CHN2: variants seen among roughly 807,000 people sequenced by gnomAD.
The protein encoded by CHN2 is beta-chimaerin.
CHN2 carries 35 observed loss-of-function variants against 56.3 expected under a neutral mutation model. That is an observed-to-expected ratio of 0.62 (90% CI 0.47 to 0.82). The LOEUF is 0.82. Ranked by LOEUF, CHN2 falls within the 40% of genes least tolerant of loss-of-function variation. The pLI is 0.00. For synonymous variants in CHN2, 210 were observed against 212.8 expected, an observed-to-expected ratio of 0.99 and a Z score of 0.12; for missense variants, 491 against 580.5, an observed-to-expected ratio of 0.85 and a Z score of 1.58.
At position 29,224,465 on chromosome 7, in the gene CHN2, T is replaced by C. The variant is rs114354589; in HGVS notation, c.49+29475T>C. ...GTGTTGAATGCTCCGAGCTTATTTCTAAATCCTGCTTGGTTTAAGGAAAGA... is the reference window on the plus strand; with the variant it reads ...GTGTTGAATGCTCCGAGCTTATTTCCAAATCCTGCTTGGTTTAAGGAAAGA... On this transcript the variant is annotated intron_variant, in intron 1 of 12. Transcript: ENST00000222792. 4.6e-3 allele frequency among the ~76,000 whole-genome samples: 707 copies of C among 152,312 alleles called. 2 individuals are homozygous for C. The highest frequency in any genetic ancestry group is 0.016 in the African/African-American group (655 of 41,582).
chr7:29,409,597 T>G (rs968946714), intron 6 of CHN2, among the ~76,000 whole-genome samples: 1 of 152,168 alleles, frequency 6.6e-6, no homozygotes, highest in East Asian at 1.9e-4. Flanking sequence ...CTCACACAGA[T>G]GTGTAGTTGG....
intron 1 of CHN2, among the ~76,000 whole-genome samples, chr7:29,340,330 TA>T (rs1246107314): frequency 6.6e-6 from 1 of 151,418 alleles, no homozygotes; most frequent in Non-Finnish European, 1.5e-5. Context: ...GAAAAGTTTT[TA>T]TATTCAGAAA....
rs138496967 is a variant in CHN2 at position 29,255,471 on chromosome 7, A to G, written c.49+60481A>G. Among the ~76,000 whole-genome samples, 4 of 152,344 alleles carry G rather than the reference A, an allele frequency of 2.6e-5. No homozygotes were observed. In the East Asian group the frequency reaches 7.7e-4, roughly 29 times the overall value. On this transcript the variant is annotated intron_variant, in intron 1 of 12. Coordinates refer to ENST00000222792, the MANE Select transcript of CHN2 (RefSeq NM_004067.4). Reference sequence around the variant, plus strand: ...AAGCCTTTGTTAGAACCTTCCAGCCATGAGGTCAGAGGAAGAAGCTGAGTG... The same window carrying G: ...AAGCCTTTGTTAGAACCTTCCAGCCGTGAGGTCAGAGGAAGAAGCTGAGTG...
At chr7:29,300,374 C>A (rs1027175787) in intron 1 of CHN2, among the ~76,000 whole-genome samples, 15 of 152,072 alleles carry the variant, frequency 9.9e-5, no homozygotes, top group Non-Finnish European at 2.9e-5. Context: ...ATATGAGAAA[C>A]AAAAGTGAGC....
intron 1 of CHN2, among the ~76,000 whole-genome samples, chr7:29,248,692 CTT>C (rs1037638017): frequency 1.3e-5 from 2 of 152,160 alleles, no homozygotes; most frequent in Non-Finnish European, 2.9e-5. Context: ...TAGATTCTTA[CTT>C]TTTTCCCAGT....
At chr7:29,460,290 G>T (rs1407092275) in intron 6 of CHN2, among the ~76,000 whole-genome samples, 3 of 152,174 alleles carry the variant, frequency 2.0e-5, no homozygotes, top group Non-Finnish European at 4.4e-5. Context: ...CTTTAAGAGG[G>T]CAAGGGCAAA....
chr7:29,323,624 A>AG (rs1358580004), intron 1 of CHN2, among the ~76,000 whole-genome samples: 1 of 152,090 alleles, frequency 6.6e-6, no homozygotes, highest in African/African-American at 2.4e-5. Context: ...TTCCTGAGTT[A>AG]GGGGTTTTTC....
intron 1 of CHN2, among the ~76,000 whole-genome samples, chr7:29,310,856 T>C (rs1794545498): frequency 6.6e-6 from 1 of 152,188 alleles, no homozygotes; most frequent in Admixed American, 6.5e-5. Flanking sequence ...CCCCTCCTTC[T>C]GACACCATCA....
intron 9 of CHN2, among the ~76,000 whole-genome samples, chr7:29,500,865 T>C (rs1475785570): frequency 6.6e-6 from 1 of 152,208 alleles, no homozygotes; most frequent in Non-Finnish European, 1.5e-5. Context: ...GATAGAAACA[T>C]TCCAAAAAAT....
At chr7:29,293,632 G>A (rs1352826341) in intron 1 of CHN2, among the ~76,000 whole-genome samples, 2 of 152,030 alleles carry the variant, frequency 1.3e-5, no homozygotes, top group Non-Finnish European at 2.9e-5. Context: ...CAGGGCCTCC[G>A]AACTTGCTGT....
intron 1 of CHN2, among the ~76,000 whole-genome samples, chr7:29,226,759 G>A (rs1786233176): frequency 6.6e-6 from 1 of 152,122 alleles, no homozygotes. Flanking sequence ...TTCCATGTAT[G>A]CCCCAAATAA....
chr7:29,228,363 A>G (rs1275086501), intron 1 of CHN2, among the ~76,000 whole-genome samples: 1 of 152,134 alleles, frequency 6.6e-6, no homozygotes, highest in Non-Finnish European at 1.5e-5. Flanking sequence ...TTGTGCTGTA[A>G]TTGCCTACAG....
At chr7:29,333,973 C>T (rs902309496) in intron 1 of CHN2, among the ~76,000 whole-genome samples, 29 of 151,544 alleles carry the variant, frequency 1.9e-4, no homozygotes, top group African/African-American at 7.0e-4. Flanking sequence ...TTTTGACAAT[C>T]AATGGATTTG....
intron 1 of CHN2, among the ~76,000 whole-genome samples, chr7:29,310,726 G>C (rs1311262288): frequency 2.6e-5 from 4 of 152,156 alleles, no homozygotes; most frequent in African/African-American, 9.7e-5. Flanking sequence ...AACAGGGCCT[G>C]TGTCCTCACT....
At chr7:29,356,208 G>A (rs1317802719) in intron 2 of CHN2, among the ~76,000 whole-genome samples, 3 of 152,074 alleles carry the variant, frequency 2.0e-5, no homozygotes, top group East Asian at 3.9e-4. Flanking sequence ...CAGCCTGCAC[G>A]TGTCCAAGAC....
At chr7:29,358,549 G>A (rs1043678711) in intron 2 of CHN2, among the ~76,000 whole-genome samples, 3 of 151,926 alleles carry the variant, frequency 2.0e-5, no homozygotes, top group African/African-American at 7.3e-5. Context: ...TGCAAGCCCC[G>A]CCTCCCGAGT....
chr7:29,258,846 A>G (rs1789292023), intron 1 of CHN2, among the ~76,000 whole-genome samples: 2 of 152,236 alleles, frequency 1.3e-5, no homozygotes, highest in South Asian at 2.1e-4. Context: ...TAACAGAAGT[A>G]CACATGCAAT....
rs1334937761 is a variant in CHN2, at chr7:29,305,181, T to G, written c.50-49444T>G. ...GGCAGGCCAGGAAATTCCCAGTGAT[T>G]GTTGCCGGGGAAAGGGGTGTTTTTC... On this transcript the variant is annotated intron_variant, in intron 1 of 12. Transcript: ENST00000222792. 2.0e-5 allele frequency among the ~76,000 whole-genome samples: 3 copies of G among 152,178 alleles called. No homozygotes were observed. In the South Asian group the frequency reaches 6.2e-4, roughly 32 times the overall value.
intron 3 of CHN2, among the ~76,000 whole-genome samples, chr7:29,389,714 T>C (rs1801208588): frequency 6.6e-6 from 1 of 152,154 alleles, no homozygotes. Context: ...ACTATTCTCT[T>C]GTAGATGATG....
Sources: allele counts gnomAD v4.1 joint callset (sites outside exome capture counted in the v4.1 genomes callset), GRCh38; gene constraint gnomAD v4.1.1; transcripts MANE v1.5; gene names NCBI Gene and HGNC (gene_info 2026-07-23, HGNC 2026-07-21).